MACROD1: variants seen among roughly 807,000 people sequenced by gnomAD.
MACROD1 encodes the protein ADP-ribose glycohydrolase MACROD1.
In MACROD1, 31 loss-of-function variants were observed where a neutral mutation model predicts 41.4. The ratio of observed to expected loss-of-function variants is 0.75; its 90% confidence interval spans 0.56 to 1.01. MACROD1 has a LOEUF of 1.01. Ranked by LOEUF, MACROD1 falls within the 50% of genes least tolerant of loss-of-function variation. The pLI is 0.00. For synonymous variants in MACROD1, 252 were observed against 203.4 expected (o/e 1.24, Z -2.03); for missense variants, 473 against 460.0 (o/e 1.03, Z -0.26).
rs1378969035 is a variant in MACROD1, at chr11:64,096,469, G to A, written c.517+54770C>T. On this transcript the variant is annotated intron_variant, in intron 3 of 10. Transcript: ENST00000255681. The surrounding 1 kb of genome is among the most constrained non-coding windows in gnomAD (Gnocchi z 4.6). ...GCTGTGCTGCCCAGGATGATGAAGT[G>A]CAGTGGTATGATCTCGGCTCACTGC... is the stretch of plus-strand genomic sequence containing the variant. 6.6e-6 allele frequency among the ~76,000 whole-genome samples: 1 copy of A among 151,870 alleles called. No homozygotes were observed. Among genetic ancestry groups the A allele is most frequent in the Non-Finnish European group, 1.5e-5 (1 of 67,956 alleles).
chr11:64,089,002 G>A (rs1221418303), intron 3 of MACROD1, among the ~76,000 whole-genome samples: 1 of 152,138 alleles, frequency 6.6e-6, no homozygotes, highest in Non-Finnish European at 1.5e-5. Flanking sequence ...GAGAGCCACC[G>A]AAGCCACTGG....
At chr11:64,010,220 GCCCAGA>G (rs1942983403) in intron 4 of MACROD1, among the ~76,000 whole-genome samples, 1 of 149,922 alleles carries the variant, frequency 6.7e-6, no homozygotes, top group African/African-American at 2.4e-5. Flanking sequence ...TTGGGGTGTT[GCCCAGA>G]GTGTTAGCTG....
intron 4 of MACROD1, among the ~76,000 whole-genome samples, chr11:64,006,885 G>A (rs906752002): frequency 6.6e-6 from 1 of 152,212 alleles, no homozygotes. Context: ...TTCAGGGAGA[G>A]GTTCAAAGGG....
At chr11:64,008,154 G>A (rs991600169) in intron 4 of MACROD1, among the ~76,000 whole-genome samples, 1 of 152,246 alleles carries the variant, frequency 6.6e-6, no homozygotes, top group African/African-American at 2.4e-5. Flanking sequence ...CAGAGAACCA[G>A]CCAGAGCCAG....
chr11:64,053,750 G>A (rs1214268423), intron 3 of MACROD1, among the ~76,000 whole-genome samples: 1 of 152,178 alleles, frequency 6.6e-6, no homozygotes, highest in African/African-American at 2.4e-5. Context: ...TGGGACTGCT[G>A]GGCCTTGGTT....
intron 4 of MACROD1, 76 bp downstream of exon 4, chr11:64,015,176 C>G (rs1425452422): frequency 1.5e-5 from 21 of 1,427,506 alleles, no homozygotes; most frequent in Non-Finnish European, 1.9e-5. Context: ...GCACCGAGGG[C>G]GAGGGGCAGG....
chr11:64,079,331 C>T (rs58449700), intron 3 of MACROD1, among the ~76,000 whole-genome samples: 7,050 of 151,176 alleles, frequency 0.047, 398 homozygotes, highest in East Asian at 0.28. Context: ...AGGGGTCTGC[C>T]CTCTGGGAGG....
At chr11:64,023,671 TCTC>T (rs1175358754) in intron 3 of MACROD1, among the ~76,000 whole-genome samples, 1 of 151,298 alleles carries the variant, frequency 6.6e-6, no homozygotes, top group African/African-American at 2.4e-5. Context: ...TTCCCCTGGG[TCTC>T]CTCCTTCCCA....
chr11:64,118,141 A>T, intron 3 of MACROD1: 1 of 1,613,782 alleles, frequency 6.2e-7, no homozygotes. Flanking sequence ...CTGCCCATCA[A>T]CCCGTACCGC....
chr11:64,095,567 G>C (rs1944561348), intron 3 of MACROD1, among the ~76,000 whole-genome samples: 1 of 152,196 alleles, frequency 6.6e-6, no homozygotes, highest in South Asian at 2.1e-4. Context: ...GCTGGTGGGA[G>C]GGAAGTAGAG....
At chr11:64,003,781 G>C (rs1051622306) in intron 4 of MACROD1, among the ~76,000 whole-genome samples, 3 of 152,190 alleles carry the variant, frequency 2.0e-5, no homozygotes, top group Admixed American at 2.0e-4. Context: ...GAACCACTCT[G>C]GCTGACTGGT....
chr11:64,143,696 A>C (rs1945445582), intron 3 of MACROD1, among the ~76,000 whole-genome samples: 1 of 151,012 alleles, frequency 6.6e-6, no homozygotes, highest in Non-Finnish European at 1.5e-5. Flanking sequence ...AAATTCATCA[A>C]CCAAAAAAAA....
At chr11:64,118,925 A>AT (rs2075909260) in intron 3 of MACROD1, 1 of 163,806 alleles carries the variant, frequency 6.1e-6, no homozygotes, top group Non-Finnish European at 1.5e-5. Flanking sequence ...CATGTAGTCG[A>AT]TTAAAAAAAA....
At chr11:64,005,876 G>T (rs1444539459) in intron 4 of MACROD1, among the ~76,000 whole-genome samples, 3 of 152,216 alleles carry the variant, frequency 2.0e-5, no homozygotes, top group Admixed American at 6.5e-5. Flanking sequence ...TGAGGGAGGG[G>T]TGTGTCTCCC....
rs188494606 is a variant in MACROD1 at position 64,144,765 on chromosome 11, G to A, written c.517+6474C>T. Among the ~76,000 whole-genome samples the A allele has an allele frequency of 2.6e-4, 39 of 152,380 alleles. No homozygotes were observed. The East Asian group carries it at 6.4e-3, about 25-fold the overall frequency. ...CCCGGCCATCTCCCCTGCCCACTGC[G>A]GAGAGGTTTCTGCTGTCGTGGTGGC... On this transcript the variant is annotated intron_variant, in intron 3 of 10. Transcript: ENST00000255681.
intron 3 of MACROD1, among the ~76,000 whole-genome samples, chr11:64,037,175 T>G (rs563749178): frequency 6.6e-6 from 1 of 152,264 alleles, no homozygotes; most frequent in African/African-American, 2.4e-5. Context: ...CAGCCCTGCC[T>G]CACCGCGGCC....
intron 1 of MACROD1, among the ~76,000 whole-genome samples, chr11:64,155,690 A>C (rs999101591): frequency 1.3e-5 from 2 of 152,178 alleles, no homozygotes; most frequent in Non-Finnish European, 2.9e-5. Context: ...AGCCGGAGGA[A>C]CTTTTCTAAT....
intron 3 of MACROD1, among the ~76,000 whole-genome samples, chr11:64,138,926 C>T (rs1945370745): frequency 6.6e-6 from 1 of 152,160 alleles, no homozygotes. Context: ...TGCCATCATG[C>T]CCAGCTAATT....
chr11:63,999,618 C>A (rs765793438), intron 6 of MACROD1, 24 bp downstream of exon 6: 1 of 1,609,540 alleles, frequency 6.2e-7, no homozygotes, highest in South Asian at 1.1e-5. Context: ...CGCCTCCCGC[C>A]CTCCCCCGCG....
Sources: gnomAD v4.1 joint callset for allele counts (sites outside exome capture counted in the v4.1 genomes callset) on GRCh38, gnomAD v4.1.1 for gene constraint, Gnocchi (gnomAD v3.1) non-coding constraint, MANE v1.5 for transcripts, NCBI Gene and HGNC (gene_info 2026-07-23, HGNC 2026-07-21) for gene names.